The following LARP1B variants were observed in gnomAD, a reference collection of about 807,000 sequenced individuals.
LARP1B encodes la-related protein 1B.
LARP1B carries 76 observed loss-of-function variants against 114.2 expected under a neutral mutation model. That is an observed-to-expected ratio of 0.67 (90% CI 0.55 to 0.81). LARP1B has a LOEUF of 0.81. Ranked by LOEUF, LARP1B falls within the 30% of genes least tolerant of loss-of-function variation. The pLI is 0.00. For missense variants in LARP1B, 1,014 were observed against 1,075.8 expected (o/e 0.94, Z 0.80); for synonymous variants, 345 against 348.0 (o/e 0.99, Z 0.10).
rs753741428 is a variant in LARP1B at position 128,207,314 on chromosome 4, A to G, written c.2478A>G (p.Thr826=). The G allele has an allele frequency of 5.1e-6, 8 of 1,561,834 alleles. No individual in the cohort carries two copies. Among genetic ancestry groups the G allele is most frequent in the Middle Eastern group, 2.0e-4 (1 of 5,090 alleles). Residue 826 remains threonine, a synonymous_variant, in exon 19 of 20, where the codon ACA becomes ACG. Transcript: ENST00000326639. ...WAYLKYSQSK[T]QSIDPKLQEY... ...ATTTGAAATATTCTCAATCTAAGAC[A>G]CAGTCTATTGACCCAAAACTTCAGG...
downstream of LARP1B, among the ~76,000 whole-genome samples, chr4:128,212,937 A>T (rs1361998786): frequency 0.017 from 432 of 24,884 alleles, 1 homozygote; most frequent in Non-Finnish European, 0.033. Context: ...TTTTTTTTTG[A>T]GATGGAGCTT....
chr4:128,065,034 A>T (rs931940070), intron 1 of LARP1B, among the ~76,000 whole-genome samples: 1 of 152,198 alleles, frequency 6.6e-6, no homozygotes. Flanking sequence ...TGGTGCCTTC[A>T]TTCTCCAGTC....
intron 11 of LARP1B, among the ~76,000 whole-genome samples, chr4:128,154,108 T>C (rs961358683): frequency 6.6e-6 from 1 of 152,210 alleles, no homozygotes; most frequent in African/African-American, 2.4e-5. Flanking sequence ...TCATTTTTTT[T>C]CCCTAGCAAA....
rs780935165 is a variant in LARP1B at position 128,176,859 on chromosome 4, A to T, written c.1649-13A>T. ...ACACAGCACAAAAAGGGACTAATTA[A>T]CTCTCTTGGCAGGAGGTGTTCAAGG... On this transcript the variant is annotated splice_polypyrimidine_tract_variant and intron_variant, in intron 12 of 19. Coordinates refer to ENST00000326639, the MANE Select transcript of LARP1B (RefSeq NM_018078.4). The T allele has an allele frequency of 1.9e-6, 3 of 1,613,218 alleles. No individual in the cohort carries two copies. The highest frequency in any genetic ancestry group is 4.5e-5 in the East Asian group (2 of 44,864).
chr4:128,099,159 GA>G (rs199577286), intron 8 of LARP1B, among the ~76,000 whole-genome samples: 2,018 of 147,212 alleles, frequency 0.014, 30 homozygotes, highest in Non-Finnish European at 0.019. Context: ...GCACTTTGGG[GA>G]AAAAAAAAAT....
chr4:128,144,468 A>G (rs72683918), intron 11 of LARP1B, among the ~76,000 whole-genome samples: 1 of 152,000 alleles, frequency 6.6e-6, no homozygotes, highest in Non-Finnish European at 1.5e-5. Flanking sequence ...TAGATATGTT[A>G]TACTATTTGA....
At chr4:128,174,234 G>A (rs78742675) in intron 12 of LARP1B, among the ~76,000 whole-genome samples, 2,889 of 151,948 alleles carry the variant, frequency 0.019, 97 homozygotes, top group African/African-American at 0.067. Context: ...TTCAAGAGAT[G>A]GCATATGCTT....
Position 128,124,251 on chromosome 4 carries a change from A to C in LARP1B, c.1524+2063A>C, listed in dbSNP as rs886122681. Among the ~76,000 whole-genome samples the C allele has an allele frequency of 3.9e-5, 6 of 152,182 alleles. 1 individual carries two copies. The South Asian group carries it at 1.2e-3, about 32-fold the overall frequency. On this transcript the variant is annotated intron_variant, in intron 11 of 19. Coordinates refer to ENST00000326639, the MANE Select transcript of LARP1B (RefSeq NM_018078.4). ...AACCCACAATAAGTACTTAATCACA[A>C]ATTACAATAAATACTCTAAAAGAAA...
rs534231399 is a variant in LARP1B, at chr4:128,125,473, C to T, written c.1524+3285C>T. ...CTGTAAAGAATATTTTTCTGGCTGG[C>T]GCAGTGGCTCACGCCTGTAATCCCA... is the stretch of plus-strand genomic sequence containing the variant. On this transcript the variant is annotated intron_variant, in intron 11 of 19. Transcript: ENST00000326639. 3.3e-5 allele frequency among the ~76,000 whole-genome samples: 5 copies of T among 152,324 alleles called. No homozygotes were observed. In the South Asian group the frequency reaches 6.2e-4, roughly 19 times the overall value.
intron 1 of LARP1B, among the ~76,000 whole-genome samples, chr4:128,063,133 G>T (rs545482938): frequency 4.0e-5 from 6 of 150,456 alleles, no homozygotes; most frequent in Non-Finnish European, 7.5e-5. Context: ...TGCAACTTAA[G>T]AAAGTAAAAA....
At chr4:128,147,755 T>C (rs1260897182) in intron 11 of LARP1B, among the ~76,000 whole-genome samples, 25 of 152,120 alleles carry the variant, frequency 1.6e-4, no homozygotes, top group Admixed American at 1.6e-3. Context: ...AATAGAATTA[T>C]GGCCAGTAGT....
rs991746923 is a variant in LARP1B, at chr4:128,210,584, T to C, written c.*531T>C. On this transcript the variant is annotated 3_prime_UTR_variant, in exon 20 of 20. Transcript: ENST00000326639. ...AAATTCAAAAAAGAATATGAAATTA[T>C]ACCTTTAGTATCCCTTTGAGACATA... is the stretch of plus-strand genomic sequence containing the variant. The C allele has an allele frequency of 6.5e-6, 6 of 927,840 alleles. No individual in the cohort carries two copies. Among genetic ancestry groups the C allele is most frequent in the Non-Finnish European group, 7.7e-6 (6 of 777,124 alleles). 57.5% of individuals were successfully genotyped at this position (927,840 alleles called of 1,614,324 possible).
chr4:128,212,202 C>CA (rs1448485279), downstream of LARP1B, among the ~76,000 whole-genome samples: 2 of 152,088 alleles, frequency 1.3e-5, no homozygotes, highest in Non-Finnish European at 2.9e-5. Context: ...CATGATGAGC[C>CA]ACCGTGCCTG....
At chr4:128,061,536 CGCGGCCTCGGCGGGCGGCGGCAGCG>C (rs1357488494) in intron 1 of LARP1B, 135 bp downstream of exon 1, 4 of 308,914 alleles carry the variant, frequency 1.3e-5, no homozygotes, top group African/African-American at 4.5e-5. Context: ...CCGGGCGCTG[CGCGGCCTCGGCGGGCGGCGGCAGCG>C]GCGGCCACGG....
At chr4:128,176,679 T>C (rs1470198332) in intron 12 of LARP1B, among the ~76,000 whole-genome samples, 193 bp from the exon 13 acceptor site, 3 of 152,210 alleles carry the variant, frequency 2.0e-5, no homozygotes, top group Non-Finnish European at 4.4e-5. Context: ...ATACATTTTT[T>C]CCCAAACATT....
intron 1 of LARP1B, chr4:128,061,610 G>A (rs1222726191): frequency 4.4e-6 from 4 of 901,064 alleles, no homozygotes; most frequent in Non-Finnish European, 5.3e-6. Flanking sequence ...AGTTGGAGCC[G>A]GCCGGTGTCC....
At position 128,207,379 on chromosome 4, in the gene LARP1B, T is replaced by A. The variant is rs762396730; in HGVS notation, c.2543T>A (p.Val848Asp). ...CSFKRLEDFRVDPPISDEFGR... is the reference protein window; with the variant it reads ...CSFKRLEDFRDDPPISDEFGR... ...TTTAAGAGGTTAGAAGACTTCCGTG[T>A]TGATGTAAGTTTTAAGTCATTTCCT... The change falls in exon 19 of 20, where the codon GTT becomes GAT. Residue 848 changes from valine to aspartate, a missense_variant. Coordinates refer to ENST00000326639, the MANE Select transcript of LARP1B (RefSeq NM_018078.4). The A allele has an allele frequency of 6.7e-7, 1 of 1,491,360 alleles. No homozygotes were observed. The highest frequency in any genetic ancestry group is 1.5e-5 in the South Asian group (1 of 67,462). 92.4% of individuals were successfully genotyped at this position (1,491,360 alleles called of 1,614,324 possible).
At chr4:128,180,880 T>C (rs145813256) in intron 15 of LARP1B, among the ~76,000 whole-genome samples, 95 of 152,342 alleles carry the variant, frequency 6.2e-4, no homozygotes, top group African/African-American at 2.1e-3. Context: ...ACCAGTAATG[T>C]TTCTTTTTAA....
intron 8 of LARP1B, among the ~76,000 whole-genome samples, chr4:128,105,912 TAAA>T (rs774261623): frequency 6.6e-6 from 1 of 151,432 alleles, no homozygotes; most frequent in Non-Finnish European, 1.5e-5. Flanking sequence ...ATAATAATAA[TAAA>T]AAAAGAAATG....
Sources: allele counts gnomAD v4.1 joint callset (sites outside exome capture counted in the v4.1 genomes callset), GRCh38; gene constraint gnomAD v4.1.1; transcripts MANE v1.5; gene names NCBI Gene and HGNC (gene_info 2026-07-23, HGNC 2026-07-21).